Variants in CNTN1 observed in about 807,000 individuals in gnomAD.
CNTN1 encodes contactin 1.
Under a neutral mutation model 126.4 loss-of-function variants are expected in CNTN1, and 38 were observed. That is an observed-to-expected ratio of 0.30 (90% CI 0.23 to 0.39). The LOEUF is 0.39. Ranked by LOEUF, CNTN1 falls within the 10% of genes least tolerant of loss-of-function variation. CNTN1 has a pLI of 1.00. For missense variants in CNTN1, 1,009 were observed against 1,248.4 expected (o/e 0.81, Z 2.89); for synonymous variants, 413 against 422.6 (o/e 0.98, Z 0.28).
At chr12:40,814,301 GT>G (rs1941186768) in intron 1 of CNTN1, among the ~76,000 whole-genome samples, 1 of 152,136 alleles carries the variant, frequency 6.6e-6, no homozygotes, top group Non-Finnish European at 1.5e-5. Flanking sequence ...TATTACCTAG[GT>G]TTTCTTCTAG....
At chr12:40,812,346 T>C (rs1941095687) in intron 1 of CNTN1, among the ~76,000 whole-genome samples, 1 of 152,182 alleles carries the variant, frequency 6.6e-6, no homozygotes, top group Admixed American at 6.6e-5. Context: ...GAAGAATATG[T>C]ATTCTGCTGC....
chr12:40,941,798 T>C (rs779979211), intron 12 of CNTN1, among the ~76,000 whole-genome samples: 1 of 152,074 alleles, frequency 6.6e-6, no homozygotes, highest in Non-Finnish European at 1.5e-5. Context: ...TCCTAGTTTG[T>C]TTGACAGCTG....
chr12:41,044,074 C>T (rs2120976464), intron 23 of CNTN1, among the ~76,000 whole-genome samples: 1 of 149,184 alleles, frequency 6.7e-6, no homozygotes, highest in East Asian at 2.0e-4. Flanking sequence ...GGGTGCAGCA[C>T]AACAGCATGG....
At chr12:40,902,580 A>T (rs79035749) in intron 1 of CNTN1, among the ~76,000 whole-genome samples, 35,743 of 151,868 alleles carry the variant, frequency 0.24, 4,731 homozygotes, top group South Asian at 0.35. Flanking sequence ...GTGCCAAAAA[A>T]TTTTTTTTGT....
At chr12:40,912,448 C>G (rs1945075612) in intron 3 of CNTN1, among the ~76,000 whole-genome samples, 1 of 150,900 alleles carries the variant, frequency 6.6e-6, no homozygotes, top group Admixed American at 6.6e-5. Context: ...TACACCCAGG[C>G]TAATCTAAAA....
chr12:41,001,503 T>C (rs1048168859), intron 17 of CNTN1, among the ~76,000 whole-genome samples: 2 of 152,200 alleles, frequency 1.3e-5, no homozygotes, highest in Non-Finnish European at 2.9e-5. Context: ...AATTAGACTT[T>C]TGTCAGATGA....
chr12:41,044,055 C>T (rs933753174), intron 23 of CNTN1, among the ~76,000 whole-genome samples: 16 of 147,008 alleles, frequency 1.1e-4, no homozygotes, highest in East Asian at 4.0e-4. Flanking sequence ...TGCTAAATGA[C>T]GAGTTAATGG....
At chr12:40,703,887 T>C (rs1414393476) in intron 1 of CNTN1, among the ~76,000 whole-genome samples, 2 of 152,130 alleles carry the variant, frequency 1.3e-5, no homozygotes, top group African/African-American at 4.8e-5. Flanking sequence ...AGTGAGACTT[T>C]CTCTTGCCTT....
intron 1 of CNTN1, among the ~76,000 whole-genome samples, chr12:40,813,064 TTCCTTCCTTCCTTCCTTC>T (rs1941139524): frequency 1.5e-5 from 2 of 133,114 alleles, no homozygotes; most frequent in Admixed American, 7.7e-5. Context: ...TCTTTCTTCC[TTCCTTCCTTCCTTCCTTC>T]CTTCCTTTCT....
chr12:41,013,178 G>C (rs1237862509), intron 17 of CNTN1, among the ~76,000 whole-genome samples: 1 of 152,148 alleles, frequency 6.6e-6, no homozygotes, highest in African/African-American at 2.4e-5. Flanking sequence ...GTTGGTCACT[G>C]TACCCTAATC....
At chr12:40,887,556 A>G (rs1000165737) in intron 1 of CNTN1, among the ~76,000 whole-genome samples, 1 of 152,078 alleles carries the variant, frequency 6.6e-6, no homozygotes, top group African/African-American at 2.4e-5. Flanking sequence ...ACACTTTTAC[A>G]CTGTTGGTGG....
intron 1 of CNTN1, among the ~76,000 whole-genome samples, chr12:40,825,194 A>G (rs1941572487): frequency 6.6e-6 from 1 of 152,164 alleles, no homozygotes; most frequent in South Asian, 2.1e-4. Context: ...AGAGAAAAGT[A>G]GAAAGCATGC....
chr12:40,779,825 C>T (rs966838053), intron 1 of CNTN1, among the ~76,000 whole-genome samples: 1 of 151,980 alleles, frequency 6.6e-6, no homozygotes, highest in South Asian at 2.1e-4. Context: ...CATAGTTCAG[C>T]AGGATATATT....
At chr12:40,696,033 A>C (rs1296022602) in intron 1 of CNTN1, among the ~76,000 whole-genome samples, 3 of 152,244 alleles carry the variant, frequency 2.0e-5, no homozygotes, top group Non-Finnish European at 4.4e-5. Context: ...ACTGGGGATT[A>C]TCATAGCACT....
At chr12:41,063,583 G>T (rs1433976446) in intron 23 of CNTN1, among the ~76,000 whole-genome samples, 2 of 152,146 alleles carry the variant, frequency 1.3e-5, no homozygotes, top group Non-Finnish European at 2.9e-5. Context: ...GCAAAGTACC[G>T]TTCCTCCTGA....
chr12:40,712,985 T>A (rs1045755093), intron 1 of CNTN1, among the ~76,000 whole-genome samples: 1 of 152,074 alleles, frequency 6.6e-6, no homozygotes, highest in African/African-American at 2.4e-5. Context: ...AAAAAAAGTC[T>A]GGCACTTCCC....
At chr12:40,949,283 CT>C (rs200841459) in intron 14 of CNTN1, among the ~76,000 whole-genome samples, 2 of 147,604 alleles carry the variant, frequency 1.4e-5, no homozygotes, top group African/African-American at 2.5e-5. Context: ...AGAAAGGTTT[CT>C]TTTTTTATAT....
intron 1 of CNTN1, among the ~76,000 whole-genome samples, chr12:40,782,807 T>C (rs1057183772): frequency 2.0e-5 from 3 of 152,084 alleles, no homozygotes; most frequent in South Asian, 2.1e-4. Context: ...ACAATCTATA[T>C]GGGGTAGCCA....
chr12:40,771,680 G>A (rs953435099), intron 1 of CNTN1, among the ~76,000 whole-genome samples: 1 of 151,976 alleles, frequency 6.6e-6, no homozygotes, highest in East Asian at 1.9e-4. Flanking sequence ...CCTATAAGCT[G>A]TGGGTTGCCT....
Sources: allele counts gnomAD v4.1 joint callset (sites outside exome capture counted in the v4.1 genomes callset), GRCh38; gene constraint gnomAD v4.1.1; transcripts MANE v1.5; gene names NCBI Gene and HGNC (gene_info 2026-07-23, HGNC 2026-07-21).